The following SCN2A variants were observed in gnomAD, a reference collection of about 807,000 sequenced individuals.
SCN2A encodes sodium voltage-gated channel alpha subunit 2.
In SCN2A, 20 loss-of-function variants were observed where a neutral mutation model predicts 188.7. That is an observed-to-expected ratio of 0.11 (90% confidence interval 0.07 to 0.15). The LOEUF is 0.15. Among genes scored for constraint, SCN2A ranks in the 10% least tolerant of loss-of-function variants. The pLI, the probability that SCN2A is intolerant of heterozygous loss-of-function variation, is 1.00. For synonymous variants in SCN2A, 804 were observed against 833.1 expected, an observed-to-expected ratio of 0.97 and a Z score of 0.60; for missense variants, 1,278 against 2,445.0, an observed-to-expected ratio of 0.52 and a Z score of 10.07.
At chr2:165,257,270 C>T (rs917707034) in intron 1 of SCN2A, among the ~76,000 whole-genome samples, 2 of 152,156 alleles carry the variant, frequency 1.3e-5, no homozygotes, top group African/African-American at 2.4e-5. Context: ...TTCCTTCAGC[C>T]CTTGCCATGG....
chr2:165,389,767 A>G lies in SCN2A; in HGVS notation c.5961A>G (p.Glu1987=), dbSNP rs1702056556. 6.2e-7 allele frequency: 1 copy of G among 1,613,102 alleles called. No homozygotes were observed. Among genetic ancestry groups the G allele is most frequent in the African/African-American group, 1.3e-5 (1 of 74,798 alleles). ...SVTKPEKEKF[E]KDKSEKEDKG... ...CCAAACCAGAAAAAGAAAAATTTGA[A>G]AAAGACAAATCAGAAAAGGAAGACA... Residue 1987 remains glutamate, a synonymous_variant, in exon 27 of 27, where the codon GAA becomes GAG. Transcript: ENST00000375437. The surrounding 1 kb of genome is among the most constrained non-coding windows in gnomAD (Gnocchi z 4.2).
chr2:165,276,458 T>C (rs1304449616), intron 1 of SCN2A, among the ~76,000 whole-genome samples: 1 of 152,160 alleles, frequency 6.6e-6, no homozygotes, highest in Non-Finnish European at 1.5e-5. Flanking sequence ...ATATTTATAA[T>C]ATGAGCCCAA....
At chr2:165,242,435 A>G (rs1693663816) in intron 1 of SCN2A, among the ~76,000 whole-genome samples, 2 of 152,292 alleles carry the variant, frequency 1.3e-5, no homozygotes, top group East Asian at 3.9e-4. Flanking sequence ...AACAATAGAA[A>G]ACCCATAAAG....
At chr2:165,351,250 C>G (rs1260952717) in intron 16 of SCN2A, among the ~76,000 whole-genome samples, 1 of 151,994 alleles carries the variant, frequency 6.6e-6, no homozygotes, top group Non-Finnish European at 1.5e-5. Flanking sequence ...TATTAATAAA[C>G]GCGGTTTCAA....
chr2:165,317,016 C>T lies in SCN2A; in HGVS notation c.1671+1258C>T, dbSNP rs578093170. ...CTTTAAAAACTGATAAGGAAATTTA[C>T]AATATAACTTTATTTAAAATACACA... On this transcript the variant is annotated intron_variant, in intron 11 of 26. Coordinates refer to ENST00000375437, the MANE Select transcript of SCN2A (RefSeq NM_001040142.2). Among the ~76,000 whole-genome samples the T allele has an allele frequency of 2.6e-5, 4 of 152,128 alleles. No individual in the cohort carries two copies. In the South Asian group the frequency reaches 6.2e-4, roughly 24 times the overall value.
intron 11 of SCN2A, among the ~76,000 whole-genome samples, chr2:165,315,981 T>C (rs937373050): frequency 1.3e-5 from 2 of 152,160 alleles, no homozygotes; most frequent in African/African-American, 4.8e-5. Context: ...TGGAAAAATT[T>C]GCGGTTTTGA....
At chr2:165,276,591 C>A (rs1311613929) in intron 1 of SCN2A, among the ~76,000 whole-genome samples, 1 of 152,132 alleles carries the variant, frequency 6.6e-6, no homozygotes, top group African/African-American at 2.4e-5. Flanking sequence ...TAAAAGTAAG[C>A]CAGATTTCAC....
At chr2:165,344,982 A>G in intron 16 of SCN2A, 71 bp downstream of exon 16, 2 of 1,591,822 alleles carry the variant, frequency 1.3e-6, no homozygotes, top group South Asian at 1.1e-5. Context: ...TGTTCAACTG[A>G]AGAATATTTT....
intron 14 of SCN2A, among the ~76,000 whole-genome samples, chr2:165,338,248 G>T (rs1370382369): frequency 6.7e-6 from 1 of 149,736 alleles, no homozygotes; most frequent in Non-Finnish European, 1.5e-5. Context: ...GTAAAATTAT[G>T]AAAAGATTTG....
At chr2:165,261,559 A>C (rs981911130) in intron 1 of SCN2A, among the ~76,000 whole-genome samples, 1 of 152,220 alleles carries the variant, frequency 6.6e-6, no homozygotes, top group Non-Finnish European at 1.5e-5. Context: ...GTCCTTTTTA[A>C]ATCACTTTCA....
chr2:165,256,554 G>T (rs1372373689), intron 1 of SCN2A, among the ~76,000 whole-genome samples: 1 of 152,096 alleles, frequency 6.6e-6, no homozygotes, highest in Non-Finnish European at 1.5e-5. Context: ...AGTTATCACA[G>T]ACTTCCATTT....
chr2:165,240,776 C>G (rs1262048586), intron 1 of SCN2A, among the ~76,000 whole-genome samples: 1 of 149,388 alleles, frequency 6.7e-6, no homozygotes. Flanking sequence ...GGTAGTTTTG[C>G]CATGTCAGAG....
At chr2:165,303,489 G>A (rs531387143) in intron 3 of SCN2A, among the ~76,000 whole-genome samples, 32 of 151,836 alleles carry the variant, frequency 2.1e-4, no homozygotes, top group Admixed American at 1.0e-3. Context: ...GTTAGCCAGG[G>A]TGGTCTCGAT....
intron 10 of SCN2A, 86 bp downstream of exon 10, chr2:165,314,194 C>T: frequency 7.4e-7 from 1 of 1,360,176 alleles, no homozygotes; most frequent in Non-Finnish European, 1.0e-6. Context: ...AGGTAGTTGA[C>T]ATTAGAAATA....
Position 165,386,853 on chromosome 2 carries a change from T to C in SCN2A, c.4659T>C (p.Asp1553=). Residue 1553 remains aspartate (D), a synonymous_variant, in exon 26 of 27, where the codon GAT becomes GAC. Coordinates refer to ENST00000375437, the MANE Select transcript of SCN2A (RefSeq NM_001040142.2). Reference sequence around the variant, plus strand: ...TGGTCACCATGATGGTGGAAACCGATGACCAGAGTCAAGAAATGACAAACA... The same window carrying C: ...TGGTCACCATGATGGTGGAAACCGACGACCAGAGTCAAGAAATGACAAACA... The part of the protein sequence containing the change: ...LNMVTMMVET[D]DQSQEMTNIL... 5 of 1,613,998 alleles carry C rather than the reference T, an allele frequency of 3.1e-6. No homozygotes were observed. The highest frequency in any genetic ancestry group is 3.4e-6 in the Non-Finnish European group (4 of 1,179,960).
intron 1 of SCN2A, among the ~76,000 whole-genome samples, chr2:165,283,596 G>A (rs1353237054): frequency 6.6e-6 from 1 of 152,182 alleles, no homozygotes; most frequent in African/African-American, 2.4e-5. Flanking sequence ...ATTATAAGGG[G>A]AAACTATGTT....
chr2:165,319,007 G>A (rs1697921543), intron 11 of SCN2A, among the ~76,000 whole-genome samples: 1 of 152,214 alleles, frequency 6.6e-6, no homozygotes. Flanking sequence ...AACAAGAGGA[G>A]AGATGACTTC....
At chr2:165,381,252 C>T in intron 25 of SCN2A, 55 bp downstream of exon 25, 1 of 1,271,994 alleles carries the variant, frequency 7.9e-7, no homozygotes, top group African/African-American at 1.5e-5. Context: ...AACCGTTTCA[C>T]AGCCCGAATT....
At chr2:165,261,086 A>T (rs138283660) in intron 1 of SCN2A, among the ~76,000 whole-genome samples, 1 of 152,074 alleles carries the variant, frequency 6.6e-6, no homozygotes, top group Non-Finnish European at 1.5e-5. Flanking sequence ...TGTAAATGCT[A>T]TGTAAACAGT....
Sources: allele counts gnomAD v4.1 joint callset (sites outside exome capture counted in the v4.1 genomes callset), GRCh38; gene constraint gnomAD v4.1.1; non-coding constraint Gnocchi (gnomAD v3.1); transcripts MANE v1.5; gene names NCBI Gene and HGNC (gene_info 2026-07-23, HGNC 2026-07-21).